The following ARHGEF33 variants were observed in gnomAD, a reference collection of about 807,000 sequenced individuals.
ARHGEF33 encodes the protein DH and coiled-coil domain-containing protein ENSP00000381780.
ARHGEF33 carries 72 observed loss-of-function variants against 101.9 expected under a neutral mutation model. The observed-to-expected ratio is 0.71, with a 90% CI of 0.58 to 0.86. The LOEUF is 0.86. ARHGEF33 is among the 40% of genes least tolerant of loss of function. The pLI is 0.00. For missense variants in ARHGEF33, 1,169 were observed against 1,111.3 expected, an observed-to-expected ratio of 1.05 and a Z score of -0.74; for synonymous variants, 499 against 442.5, an observed-to-expected ratio of 1.13 and a Z score of -1.60.
intron 4 of ARHGEF33, among the ~76,000 whole-genome samples, chr2:38,928,137 C>G (rs538572251): frequency 9.2e-5 from 14 of 152,198 alleles, no homozygotes; most frequent in African/African-American, 3.1e-4. Flanking sequence ...AAAAGTTAAC[C>G]AACATGCCTA....
chr2:38,935,269 C>T (rs924118402), intron 7 of ARHGEF33, among the ~76,000 whole-genome samples: 1 of 151,672 alleles, frequency 6.6e-6, no homozygotes, highest in South Asian at 2.1e-4. Context: ...CAGCCCCAAC[C>T]TCCTGGGTTC....
intron 2 of ARHGEF33, among the ~76,000 whole-genome samples, chr2:38,910,399 C>T (rs1329541392): frequency 3.9e-5 from 6 of 152,044 alleles, no homozygotes; most frequent in South Asian, 2.1e-4. Flanking sequence ...GGTGAAACCC[C>T]GTCTCTACTA....
At chr2:38,939,569 C>T (rs1667248297) in intron 9 of ARHGEF33, among the ~76,000 whole-genome samples, 1 of 152,074 alleles carries the variant, frequency 6.6e-6, no homozygotes, top group Non-Finnish European at 1.5e-5. Flanking sequence ...ATTTGCAGTT[C>T]CCTGGTGATT....
chr2:38,949,009 G>C (rs1417321303), intron 10 of ARHGEF33, among the ~76,000 whole-genome samples: 2 of 152,188 alleles, frequency 1.3e-5, no homozygotes, highest in African/African-American at 2.4e-5. Context: ...AGGCACAGGA[G>C]GTGGAGGGAG....
At chr2:38,962,973 G>A (rs1008077824) in intron 16 of ARHGEF33, among the ~76,000 whole-genome samples, 4 of 146,720 alleles carry the variant, frequency 2.7e-5, no homozygotes, top group African/African-American at 5.1e-5. Context: ...GCAGGGAGCC[G>A]AGATCGCATC....
At chr2:38,971,886 G>C (rs1174775966) in intron 17 of ARHGEF33, 1 of 718,576 alleles carries the variant, frequency 1.4e-6, no homozygotes, top group Non-Finnish European at 2.6e-6. Context: ...GAACGCAACT[G>C]GTGAAGATTT....
chr2:38,950,866 T>C (rs1667582413), intron 10 of ARHGEF33, 123 bp from the exon 11 acceptor site: 2 of 887,586 alleles, frequency 2.3e-6, no homozygotes, highest in African/African-American at 3.4e-5. Flanking sequence ...AAATCCTTAA[T>C]GCAGGCCTGT....
At position 38,960,408 on chromosome 2, in the gene ARHGEF33, G is replaced by T; in HGVS notation, c.2103G>T (p.Lys701Asn). The stretch of plus-strand genomic sequence containing the variant: ...AGGCGGCGGCGCAGGCGCACGGCAA[G>T]GCCAAGCCGCTGAGCCGCTCTCTCA... Reference protein sequence around the residue: ...KLEAAAQAHGKAKPLSRSLKE... With the variant: ...KLEAAAQAHGNAKPLSRSLKE... The change falls in exon 16 of 18, where the codon AAG (lysine) becomes AAT (asparagine). Residue 701 changes from lysine to asparagine, a missense_variant. Transcript: ENST00000409978. 1 of 1,513,828 alleles carries T rather than the reference G, an allele frequency of 6.6e-7. No individual in the cohort carries two copies. The highest frequency in any genetic ancestry group is 1.2e-5 in the South Asian group (1 of 80,562). 93.8% of individuals were successfully genotyped at this position (1,513,828 alleles called of 1,614,324 possible).
chr2:38,914,956 A>C (rs1379588936), intron 2 of ARHGEF33, among the ~76,000 whole-genome samples: 1 of 151,832 alleles, frequency 6.6e-6, no homozygotes, highest in Non-Finnish European at 1.5e-5. Context: ...TTTTTTTTTA[A>C]TTTTTAAAAA....
At chr2:38,961,285 T>C (rs1667931808) in intron 16 of ARHGEF33, among the ~76,000 whole-genome samples, 1 of 152,164 alleles carries the variant, frequency 6.6e-6, no homozygotes, top group Admixed American at 6.5e-5. Flanking sequence ...GCAAACTCTA[T>C]TGGGTCAGGG....
chr2:38,949,718 G>A (rs907972848), intron 10 of ARHGEF33, among the ~76,000 whole-genome samples: 4 of 152,146 alleles, frequency 2.6e-5, no homozygotes, highest in African/African-American at 9.7e-5. Context: ...TGGGTAATTT[G>A]TAAAGTAAAG....
At position 38,958,060 on chromosome 2, in the gene ARHGEF33, G is replaced by A; in HGVS notation, c.1397G>A (p.Gly466Glu). The A allele has an allele frequency of 4.5e-6, 7 of 1,552,216 alleles. No homozygotes were observed. Among genetic ancestry groups the A allele is most frequent in the Non-Finnish European group, 6.1e-6 (7 of 1,147,118 alleles). The change falls in exon 15 of 18, where the codon GGG (glycine) becomes GAG (glutamate). Residue 466 changes from glycine to glutamate, a missense_variant. Physicochemically the swap from Gly to Glu is moderately conservative, Grantham distance 98. Coordinates refer to ENST00000409978, the MANE Select transcript of ARHGEF33 (RefSeq NM_001145451.5). ...KKSSMAKLYK[G>E]LASQCANAGQ... ...TCATCCATGGCGAAGCTGTACAAAG[G>A]GCTGGCTTCCCAGTGTGCCAATGCT...
intron 4 of ARHGEF33, among the ~76,000 whole-genome samples, chr2:38,928,514 C>T (rs1475270108): frequency 6.6e-6 from 1 of 152,082 alleles, no homozygotes; most frequent in Non-Finnish European, 1.5e-5. Context: ...CTCATAATAA[C>T]CAGAGAGAAT....
intron 9 of ARHGEF33, among the ~76,000 whole-genome samples, chr2:38,937,804 G>C (rs1338430220): frequency 6.6e-6 from 1 of 152,132 alleles, no homozygotes; most frequent in Non-Finnish European, 1.5e-5. Context: ...TGCTGTGGGC[G>C]GGAGGGGGAA....
chr2:38,907,300 G>T (rs1367392954), intron 2 of ARHGEF33, among the ~76,000 whole-genome samples: 2 of 152,168 alleles, frequency 1.3e-5, no homozygotes, highest in Admixed American at 1.3e-4. Flanking sequence ...TGCTCACTGG[G>T]AGTCTTTGTT....
chr2:38,946,074 C>T (rs1208336654), intron 10 of ARHGEF33, among the ~76,000 whole-genome samples: 1 of 152,222 alleles, frequency 6.6e-6, no homozygotes, highest in African/African-American at 2.4e-5. Context: ...AGTCTTCCCT[C>T]TTGAACAGCC....
intron 11 of ARHGEF33, among the ~76,000 whole-genome samples, chr2:38,951,629 A>G (rs1331501917): frequency 6.6e-6 from 1 of 152,096 alleles, no homozygotes; most frequent in Non-Finnish European, 1.5e-5. Context: ...GTATATATAC[A>G]TTAAAACATG....
At chr2:38,924,396 T>C (rs1042030395) in intron 4 of ARHGEF33, among the ~76,000 whole-genome samples, 10 of 152,162 alleles carry the variant, frequency 6.6e-5, no homozygotes, top group African/African-American at 2.4e-4. Context: ...AGTCAGGTGG[T>C]CTTGTTTCAC....
intron 11 of ARHGEF33, 97 bp downstream of exon 11, chr2:38,951,218 C>A: frequency 8.4e-7 from 1 of 1,191,438 alleles, no homozygotes; most frequent in South Asian, 1.5e-5. Context: ...CAGTGAATTT[C>A]ACAGCTAGAA....
Sources: allele counts gnomAD v4.1 joint callset (sites outside exome capture counted in the v4.1 genomes callset), GRCh38; gene constraint gnomAD v4.1.1; transcripts MANE v1.5; gene names NCBI Gene and HGNC (gene_info 2026-07-23, HGNC 2026-07-21).